NEDD4L: variants seen among roughly 807,000 people sequenced by gnomAD.
The protein encoded by NEDD4L is E3 ubiquitin-protein ligase NEDD4-like.
In NEDD4L, 54 loss-of-function variants were observed where a neutral mutation model predicts 148.9. The ratio of observed to expected loss-of-function variants is 0.36; its 90% CI spans 0.29 to 0.45. The LOEUF is 0.45. Among genes scored for constraint, NEDD4L ranks in the 20% least tolerant of loss-of-function variants. The pLI, the probability that NEDD4L is intolerant of heterozygous loss-of-function variation, is 1.00. For synonymous variants in NEDD4L, 433 were observed against 440.7 expected (o/e 0.98, Z 0.22); for missense variants, 856 against 1,233.8 (o/e 0.69, Z 4.59).
chr18:58,249,535 T>G (rs1038258761), intron 4 of NEDD4L, among the ~76,000 whole-genome samples: 1 of 152,228 alleles, frequency 6.6e-6, no homozygotes, highest in Non-Finnish European at 1.5e-5. Context: ...TATTGAGCAT[T>G]TGTGGTTGTT....
intron 2 of NEDD4L, among the ~76,000 whole-genome samples, chr18:58,169,290 T>C (rs1293471376): frequency 2.0e-5 from 3 of 152,220 alleles, no homozygotes; most frequent in Non-Finnish European, 4.4e-5. Context: ...ATCTGAGCAG[T>C]TGGCCCGCGT....
In NEDD4L at chr18:58,256,354, GA is replaced by G; in HGVS notation, c.297+4302del. The G allele has an allele frequency of 8.1e-7, 1 of 1,232,200 alleles. No individual in the cohort carries two copies. The allele number at this position is 1,232,200 out of a possible 1,614,324, so 76.3% of individuals were successfully genotyped here. A position where few individuals can be genotyped will look rare whatever the true frequency, so the allele number is the denominator to read the frequency against. On this transcript the variant is annotated intron_variant, in intron 5 of 30. Coordinates refer to ENST00000400345, the MANE Select transcript of NEDD4L (RefSeq NM_001144967.3). The surrounding 1 kb of genome is among the most constrained non-coding windows in gnomAD (Gnocchi z 5.2). ...TTCCAGATGCTTCTGGAAGCTCTGG[GA>G]AGCGGTGTTTTGTCTTCCAGTTGCA...
intron 2 of NEDD4L, among the ~76,000 whole-genome samples, chr18:58,230,417 C>T (rs292446): frequency 0.42 from 60,167 of 142,590 alleles, 13,036 homozygotes; most frequent in East Asian, 0.72. Context: ...GAAGCTTCTT[C>T]TTTTTTTTTT....
intron 2 of NEDD4L, among the ~76,000 whole-genome samples, chr18:58,214,315 A>G (rs559138216): frequency 6.6e-6 from 1 of 152,260 alleles, no homozygotes; most frequent in South Asian, 2.1e-4. Context: ...CCCATCCCAT[A>G]TCTGTTCATG....
chr18:58,131,397 C>T (rs565623345), intron 1 of NEDD4L, among the ~76,000 whole-genome samples: 2,036 of 133,100 alleles, frequency 0.015, 57 homozygotes, highest in African/African-American at 0.057. Flanking sequence ...TGTGATCTAG[C>T]GGAACTGTGG....
At chr18:58,107,830 G>A (rs904163557) in intron 1 of NEDD4L, among the ~76,000 whole-genome samples, 9 of 151,942 alleles carry the variant, frequency 5.9e-5, no homozygotes, top group African/African-American at 1.5e-4. Context: ...CTCCCATTCC[G>A]GCCTCCCAAG....
At chr18:58,132,283 T>G (rs1257687988) in intron 1 of NEDD4L, among the ~76,000 whole-genome samples, 1 of 152,158 alleles carries the variant, frequency 6.6e-6, no homozygotes, top group Admixed American at 6.5e-5. Flanking sequence ...AGAGAGGGGA[T>G]TAGAAGAAAA....
chr18:58,363,200 A>C (rs2045704783), intron 19 of NEDD4L, among the ~76,000 whole-genome samples: 1 of 152,218 alleles, frequency 6.6e-6, no homozygotes, highest in South Asian at 2.1e-4. Context: ...ACATGTCTTA[A>C]AACTATAAAA....
intron 5 of NEDD4L, among the ~76,000 whole-genome samples, chr18:58,284,133 C>G (rs1452893477): frequency 6.6e-6 from 1 of 152,224 alleles, no homozygotes. Context: ...CCATCAATTT[C>G]CATTGTTTAA....
At chr18:58,111,998 T>C (rs1248510413) in intron 1 of NEDD4L, among the ~76,000 whole-genome samples, 1 of 152,206 alleles carries the variant, frequency 6.6e-6, no homozygotes, top group African/African-American at 2.4e-5. Context: ...TGTTGTTTTA[T>C]GTCATTTAAC....
chr18:58,128,977 C>G (rs189811438), intron 1 of NEDD4L, among the ~76,000 whole-genome samples: 115 of 152,336 alleles, frequency 7.5e-4, no homozygotes, highest in African/African-American at 2.6e-3. Flanking sequence ...GTATAACAGG[C>G]AGACCTCATT....
At chr18:58,351,984 A>G (rs1016130090) in intron 18 of NEDD4L, among the ~76,000 whole-genome samples, 3 of 152,208 alleles carry the variant, frequency 2.0e-5, no homozygotes, top group African/African-American at 7.2e-5. Flanking sequence ...AGATGTTACT[A>G]GGAGGCAGAG....
chr18:58,146,885 T>G (rs968935389), intron 1 of NEDD4L, among the ~76,000 whole-genome samples: 1 of 148,314 alleles, frequency 6.7e-6, no homozygotes, highest in Non-Finnish European at 1.5e-5. Context: ...CATTTTGCGC[T>G]GGGCCTGGAA....
Position 58,256,818 on chromosome 18 carries a change from C to A in NEDD4L, c.297+4764C>A. The A allele has an allele frequency of 8.2e-7, 1 of 1,226,118 alleles. No individual in the cohort carries two copies. Among genetic ancestry groups the A allele is most frequent in the Non-Finnish European group, 1.0e-6 (1 of 982,852 alleles). The allele number at this position is 1,226,118 out of a possible 1,614,324, so 76.0% of individuals were successfully genotyped here. ...TACATGTGTTTACTGATTTCAACTTCGATGCTTACTCTGCGGCGTAACCAA... is the reference window on the plus strand; with the variant it reads ...TACATGTGTTTACTGATTTCAACTTAGATGCTTACTCTGCGGCGTAACCAA... On this transcript the variant is annotated intron_variant, in intron 5 of 30. Coordinates refer to ENST00000400345, the MANE Select transcript of NEDD4L (RefSeq NM_001144967.3). This position sits in a 1 kb window ranked among gnomAD's most constrained non-coding sequence, Gnocchi z 5.2.
chr18:58,382,270 C>A (rs562411537), intron 24 of NEDD4L, among the ~76,000 whole-genome samples: 23 of 152,276 alleles, frequency 1.5e-4, no homozygotes, highest in Admixed American at 9.8e-4. Context: ...GACCAAGGAA[C>A]CCCTGGAGGT....
At chr18:58,364,692 C>A (rs2045898144) in intron 20 of NEDD4L, among the ~76,000 whole-genome samples, 1 of 152,006 alleles carries the variant, frequency 6.6e-6, no homozygotes, top group South Asian at 2.1e-4. Flanking sequence ...AACCTGGATC[C>A]CGGTAAGAAA....
chr18:58,275,398 G>T (rs1339141284), intron 5 of NEDD4L, among the ~76,000 whole-genome samples: 1 of 152,146 alleles, frequency 6.6e-6, no homozygotes, highest in South Asian at 2.1e-4. Context: ...AACCCATCTT[G>T]TTCAAGGGTC....
At chr18:58,392,756 G>A (rs2050002391) in intron 30 of NEDD4L, among the ~76,000 whole-genome samples, 1 of 152,158 alleles carries the variant, frequency 6.6e-6, no homozygotes, top group South Asian at 2.1e-4. Context: ...GGTTTTCTGG[G>A]TTCTACTGGC....
intron 1 of NEDD4L, among the ~76,000 whole-genome samples, chr18:58,082,102 A>ATATATTTTTTTTTTTTTTT: frequency 4.9e-4 from 24 of 48,826 alleles, no homozygotes; most frequent in East Asian, 2.4e-3. Flanking sequence ...ATATATATAT[A>ATATATTTTTTTTTTTTTTT]TTTTTTTTTT....
Sources: gnomAD v4.1 joint callset for allele counts (sites outside exome capture counted in the v4.1 genomes callset) on GRCh38, gnomAD v4.1.1 for gene constraint, Gnocchi (gnomAD v3.1) non-coding constraint, MANE v1.5 for transcripts, NCBI Gene and HGNC (gene_info 2026-07-23, HGNC 2026-07-21) for gene names.